Variants in CDH13 observed in about 807,000 individuals in gnomAD.
CDH13 encodes cadherin 13, also known as cadherin-13.
Under a neutral mutation model 63.8 loss-of-function variants are expected in CDH13, and 24 were observed. The ratio of observed to expected loss-of-function variants is 0.38; its 90% CI spans 0.27 to 0.53. CDH13 has a LOEUF of 0.53. Ranked by LOEUF, CDH13 falls within the 20% of genes least tolerant of loss-of-function variation. The pLI, the probability that CDH13 is intolerant of heterozygous loss-of-function variation, is 0.85. For missense variants in CDH13, 1,049 were observed against 903.1 expected (o/e 1.16, Z -2.07); for synonymous variants, 503 against 355.3 (o/e 1.42, Z -4.67).
chr16:83,659,403 G>A (rs1179817319), intron 8 of CDH13, among the ~76,000 whole-genome samples: 1 of 152,234 alleles, frequency 6.6e-6, no homozygotes, highest in Non-Finnish European at 1.5e-5. Context: ...CTCAACACCA[G>A]GTCCCATGTC....
chr16:82,789,496 G>A (rs1007531174), intron 1 of CDH13, among the ~76,000 whole-genome samples: 4 of 152,116 alleles, frequency 2.6e-5, no homozygotes, highest in African/African-American at 7.2e-5. Flanking sequence ...ACGACACTTC[G>A]CCATTCAGGG....
At chr16:82,813,866 A>C (rs542331668) in intron 1 of CDH13, among the ~76,000 whole-genome samples, 1 of 152,272 alleles carries the variant, frequency 6.6e-6, no homozygotes, top group East Asian at 1.9e-4. Flanking sequence ...TCCTCAGATG[A>C]TTGTGGGACC....
intron 1 of CDH13, among the ~76,000 whole-genome samples, chr16:82,804,701 C>G (rs1415621498): frequency 6.6e-6 from 1 of 152,100 alleles, no homozygotes; most frequent in Non-Finnish European, 1.5e-5. Context: ...CCCTTCTTCC[C>G]TTGGTATGTA....
chr16:83,012,621 G>C (rs932005156), intron 2 of CDH13, among the ~76,000 whole-genome samples: 3 of 152,098 alleles, frequency 2.0e-5, no homozygotes, highest in Admixed American at 2.0e-4. Context: ...TTAAGTATGG[G>C]AAACAGACCT....
At chr16:83,626,277 C>T (rs917391443) in intron 8 of CDH13, among the ~76,000 whole-genome samples, 1 of 152,144 alleles carries the variant, frequency 6.6e-6, no homozygotes, top group Admixed American at 6.5e-5. Context: ...CTAGAGGCCC[C>T]GAGGAATGCA....
intron 7 of CDH13, among the ~76,000 whole-genome samples, chr16:83,487,054 G>T (rs755908242): frequency 3.3e-5 from 5 of 152,122 alleles, no homozygotes; most frequent in Non-Finnish European, 7.4e-5. Flanking sequence ...CCTTGTTGCA[G>T]AGTCAAATGC....
chr16:83,539,337 T>G (rs997100158), intron 7 of CDH13, among the ~76,000 whole-genome samples: 1 of 152,176 alleles, frequency 6.6e-6, no homozygotes, highest in African/African-American at 2.4e-5. Context: ...ATGGCTGATC[T>G]GACAGGAGGC....
chr16:83,183,047 T>A (rs1209780756), intron 4 of CDH13, among the ~76,000 whole-genome samples: 1 of 152,118 alleles, frequency 6.6e-6, no homozygotes, highest in African/African-American at 2.4e-5. Flanking sequence ...TGATTAAAAT[T>A]AGTTTGGATT....
chr16:82,821,373 C>G (rs769939854), intron 1 of CDH13, among the ~76,000 whole-genome samples: 1 of 152,148 alleles, frequency 6.6e-6, no homozygotes, highest in African/African-American at 2.4e-5. Flanking sequence ...TGAGACGATT[C>G]GAGGCAGATA....
At chr16:83,049,991 A>T (rs2030114975) in intron 3 of CDH13, among the ~76,000 whole-genome samples, 2 of 152,220 alleles carry the variant, frequency 1.3e-5, no homozygotes, top group African/African-American at 2.4e-5. Context: ...TAGTAATAAT[A>T]ATGCTACAAA....
At chr16:83,184,490 C>T (rs1192649585) in intron 4 of CDH13, among the ~76,000 whole-genome samples, 2 of 152,126 alleles carry the variant, frequency 1.3e-5, no homozygotes, top group Non-Finnish European at 2.9e-5. Context: ...TGCGGTGGCT[C>T]ACACCTGTAA....
intron 4 of CDH13, among the ~76,000 whole-genome samples, chr16:83,211,687 T>TC (rs2039340841): frequency 6.6e-6 from 1 of 152,012 alleles, no homozygotes; most frequent in African/African-American, 2.4e-5. Flanking sequence ...CACTACCTGC[T>TC]CCAGGCCTCA....
chr16:83,514,815 C>T (rs879723297), intron 7 of CDH13, among the ~76,000 whole-genome samples: 2 of 152,106 alleles, frequency 1.3e-5, no homozygotes, highest in African/African-American at 4.8e-5. Context: ...AACAGATGTT[C>T]CCTCAGAACT....
At chr16:83,354,784 C>A (rs1418884211) in intron 6 of CDH13, among the ~76,000 whole-genome samples, 1 of 152,170 alleles carries the variant, frequency 6.6e-6, no homozygotes, top group Non-Finnish European at 1.5e-5. Flanking sequence ...AGGGCAAGAT[C>A]GTTCTGAGCA....
chr16:82,735,893 T>C (rs7194615), intron 1 of CDH13, among the ~76,000 whole-genome samples: 81,398 of 152,098 alleles, frequency 0.54, 22,104 homozygotes, highest in East Asian at 0.67. Flanking sequence ...TGTGCATGGC[T>C]TGGCTATTTA....
intron 3 of CDH13, among the ~76,000 whole-genome samples, chr16:83,046,236 C>T (rs1224846766): frequency 6.6e-6 from 1 of 152,078 alleles, no homozygotes; most frequent in African/African-American, 2.4e-5. Flanking sequence ...TCACTGGGGC[C>T]CATAGCAGTG....
chr16:83,674,678 G>A (rs540078874), intron 9 of CDH13, among the ~76,000 whole-genome samples: 32 of 152,316 alleles, frequency 2.1e-4, no homozygotes, highest in Admixed American at 3.9e-4. Flanking sequence ...GTCTCAGGAT[G>A]CTGCTGGTTT....
At chr16:82,865,210 A>C (rs1174829479) in intron 2 of CDH13, among the ~76,000 whole-genome samples, 1 of 152,136 alleles carries the variant, frequency 6.6e-6, no homozygotes, top group Non-Finnish European at 1.5e-5. Context: ...GCAAGCTGTC[A>C]ATGGATCTAC....
intron 7 of CDH13, among the ~76,000 whole-genome samples, chr16:83,546,991 G>T (rs1203923619): frequency 6.6e-6 from 1 of 152,158 alleles, no homozygotes; most frequent in Non-Finnish European, 1.5e-5. Flanking sequence ...GAACAGCCTG[G>T]CTTCAACTTC....
Sources: gnomAD v4.1 joint callset for allele counts (sites outside exome capture counted in the v4.1 genomes callset) on GRCh38, gnomAD v4.1.1 for gene constraint, MANE v1.5 for transcripts, NCBI Gene and HGNC (gene_info 2026-07-23, HGNC 2026-07-21) for gene names.